LRRC4C: variants seen among roughly 807,000 people sequenced by gnomAD.
LRRC4C encodes leucine-rich repeat-containing protein 4C.
LRRC4C carries 5 observed loss-of-function variants against 33.6 expected under a neutral mutation model. That is an observed-to-expected ratio of 0.15 (90% CI 0.08 to 0.31). The LOEUF is 0.31. LRRC4C is among the 10% of genes least tolerant of loss of function. The probability of loss-of-function intolerance (pLI) is 1.00; values close to 1 mark genes in which losing one functional copy is unlikely to be tolerated. For synonymous variants in LRRC4C, 329 were observed against 302.0 expected, an observed-to-expected ratio of 1.09 and a Z score of -0.93; for missense variants, 560 against 796.7, an observed-to-expected ratio of 0.70 and a Z score of 3.58.
chr11:41,121,553 T>C (rs1366017650), intron 1 of LRRC4C, among the ~76,000 whole-genome samples: 1 of 152,204 alleles, frequency 6.6e-6, no homozygotes, highest in African/African-American at 2.4e-5. Flanking sequence ...TAGTACATCA[T>C]TAAATGTTAG....
At chr11:40,524,292 T>C (rs1018908262) in intron 3 of LRRC4C, among the ~76,000 whole-genome samples, 2 of 152,152 alleles carry the variant, frequency 1.3e-5, no homozygotes, top group South Asian at 4.1e-4. Flanking sequence ...ATGATTTTAT[T>C]TCATGTCCTC....
chr11:40,746,768 C>T (rs1948449610), intron 2 of LRRC4C, among the ~76,000 whole-genome samples: 1 of 152,158 alleles, frequency 6.6e-6, no homozygotes, highest in East Asian at 1.9e-4. Context: ...GAACTGAACA[C>T]TCCTCCTAAG....
intron 3 of LRRC4C, among the ~76,000 whole-genome samples, chr11:40,421,117 A>C (rs565387021): frequency 2.3e-4 from 35 of 152,326 alleles, no homozygotes; most frequent in African/African-American, 7.9e-4. Context: ...TCTCTGATAC[A>C]TCTTTGCCCA....
chr11:40,510,759 T>C (rs1334906460), intron 3 of LRRC4C, among the ~76,000 whole-genome samples: 2 of 152,112 alleles, frequency 1.3e-5, no homozygotes, highest in Non-Finnish European at 2.9e-5. Context: ...GGGAAAACCA[T>C]TGCAGGACTT....
intron 3 of LRRC4C, among the ~76,000 whole-genome samples, chr11:40,547,362 G>T (rs117038956): frequency 6.6e-6 from 1 of 152,022 alleles, no homozygotes; most frequent in Admixed American, 6.6e-5. Flanking sequence ...TCTGGGTGGA[G>T]AAACATAATT....
At chr11:41,088,635 A>C (rs1039726654) in intron 1 of LRRC4C, among the ~76,000 whole-genome samples, 4 of 152,118 alleles carry the variant, frequency 2.6e-5, no homozygotes, top group Admixed American at 1.3e-4. Flanking sequence ...TGATAAGTTG[A>C]GGAGAAAAGC....
chr11:41,455,553 T>C (rs1314081561), intron 1 of LRRC4C, among the ~76,000 whole-genome samples: 1 of 152,152 alleles, frequency 6.6e-6, no homozygotes, highest in Admixed American at 6.6e-5. Flanking sequence ...ACGCCAAAAC[T>C]ATAACAACAT....
intron 2 of LRRC4C, among the ~76,000 whole-genome samples, chr11:40,696,405 C>T (rs1479834576): frequency 7.0e-6 from 1 of 142,340 alleles, no homozygotes; most frequent in African/African-American, 2.6e-5. Context: ...GTATACACAC[C>T]ATATATATAT....
chr11:40,294,624 C>T (rs959188193), intron 4 of LRRC4C, among the ~76,000 whole-genome samples: 1 of 151,922 alleles, frequency 6.6e-6, no homozygotes, highest in African/African-American at 2.4e-5. Flanking sequence ...GTCAGGAGAT[C>T]GAGACCAACC....
chr11:41,105,886 C>T (rs1252237868), intron 1 of LRRC4C, among the ~76,000 whole-genome samples: 1 of 152,104 alleles, frequency 6.6e-6, no homozygotes, highest in Non-Finnish European at 1.5e-5. Context: ...AAGGACTTTT[C>T]TAAACATGAT....
intron 1 of LRRC4C, among the ~76,000 whole-genome samples, chr11:41,093,123 A>G (rs2046272708): frequency 6.6e-6 from 1 of 152,214 alleles, no homozygotes; most frequent in Non-Finnish European, 1.5e-5. Context: ...AAGAACTTAA[A>G]TAGTATGTAA....
At chr11:41,249,750 T>C (rs75444525) in intron 1 of LRRC4C, among the ~76,000 whole-genome samples, 5 of 152,320 alleles carry the variant, frequency 3.3e-5, no homozygotes, top group African/African-American at 4.8e-5. Context: ...CTATAATCCA[T>C]AGAAAATAGC....
intron 1 of LRRC4C, among the ~76,000 whole-genome samples, chr11:41,103,564 CT>C (rs1179587579): frequency 6.6e-6 from 1 of 151,496 alleles, no homozygotes; most frequent in Non-Finnish European, 1.5e-5. Context: ...GTACGACAGA[CT>C]TTCCTCACTA....
At chr11:40,296,967 C>T (rs1314711271) in intron 4 of LRRC4C, among the ~76,000 whole-genome samples, 1 of 152,156 alleles carries the variant, frequency 6.6e-6, no homozygotes, top group Admixed American at 6.5e-5. Context: ...GTTCTACGGA[C>T]ATGCAGATTT....
intron 1 of LRRC4C, among the ~76,000 whole-genome samples, chr11:41,117,018 T>C (rs1274533135): frequency 6.9e-6 from 1 of 144,586 alleles, no homozygotes; most frequent in Admixed American, 7.4e-5. Flanking sequence ...AGGCTTTGCT[T>C]TGGCCAGTAG....
chr11:41,393,823 T>C (rs1953698600), intron 1 of LRRC4C, among the ~76,000 whole-genome samples: 1 of 152,002 alleles, frequency 6.6e-6, no homozygotes, highest in Admixed American at 6.6e-5. Context: ...CAACAGGGCA[T>C]GCTTTCAATA....
chr11:41,236,379 G>T (rs533038930), intron 1 of LRRC4C, among the ~76,000 whole-genome samples: 4 of 152,032 alleles, frequency 2.6e-5, no homozygotes, highest in Admixed American at 6.6e-5. Flanking sequence ...AACTGATACT[G>T]GTGAGATAAT....
rs149146215 is a variant in LRRC4C, at chr11:40,648,581, T to G, written c.-406-303A>C. Among the ~76,000 whole-genome samples the G allele has an allele frequency of 7.6e-3, 1,160 of 152,336 alleles. 16 individuals are homozygous for G. The highest frequency in any genetic ancestry group is 0.027 in the African/African-American group (1,115 of 41,566). ...TCAATATAATAGTTTTAATTAAAAT[T>G]TGCTTGTTACTTCATGAGGTAAGAA... On this transcript the variant is annotated intron_variant, in intron 2 of 6. Coordinates refer to ENST00000528697, the MANE Select transcript of LRRC4C (RefSeq NM_001258419.2).
At chr11:40,658,732 G>A (rs149220266) in intron 2 of LRRC4C, among the ~76,000 whole-genome samples, 2 of 152,282 alleles carry the variant, frequency 1.3e-5, no homozygotes, top group Admixed American at 6.5e-5. Flanking sequence ...ATCTGCTTAA[G>A]CAATTCTTAA....
Sources: allele counts gnomAD v4.1 joint callset (sites outside exome capture counted in the v4.1 genomes callset), GRCh38; gene constraint gnomAD v4.1.1; transcripts MANE v1.5; gene names NCBI Gene and HGNC (gene_info 2026-07-23, HGNC 2026-07-21).